HEATR4: variants seen among roughly 807,000 people sequenced by gnomAD.
The protein encoded by HEATR4 is HEAT repeat containing 4.
A neutral mutation model predicts 108.8 loss-of-function variants in HEATR4; 95 were observed. The ratio of observed to expected loss-of-function variants is 0.87; its 90% CI spans 0.74 to 1.04. The LOEUF (loss-of-function observed/expected upper bound fraction) is 1.04, where lower values mean the gene tolerates loss of function less well. HEATR4 is among the 50% of genes least tolerant of loss of function. The probability of loss-of-function intolerance (pLI) is 0.00; values close to 1 mark genes in which losing one functional copy is unlikely to be tolerated. For synonymous variants in HEATR4, 443 were observed against 459.4 expected (o/e 0.96, Z 0.46); for missense variants, 1,152 against 1,253.8 (o/e 0.92, Z 1.23).
At chr14:73,485,381 A>G (rs1280879512) in intron 17 of HEATR4, among the ~76,000 whole-genome samples, 15 of 151,098 alleles carry the variant, frequency 9.9e-5, no homozygotes, top group Non-Finnish European at 2.2e-4. Context: ...CTATGTGTAA[A>G]TATCTTTGTA....
At chr14:73,580,613 C>T in the HEATR4 span, 1 of 149,098 alleles carries the variant, frequency 6.7e-6, no homozygotes, top group Non-Finnish European at 1.5e-5. Flanking sequence ...TGACCTGCTC[C>T]ACTGGCTTGT....
intron 2 of HEATR4, among the ~76,000 whole-genome samples, chr14:73,526,429 G>T (rs1461426895): frequency 1.3e-5 from 2 of 152,158 alleles, no homozygotes; most frequent in African/African-American, 2.4e-5. Context: ...GTGGACTTTG[G>T]GTGTGTGTGA....
the HEATR4 span, among the ~76,000 whole-genome samples, chr14:73,615,388 T>TAAAAA: frequency 5.1e-4 from 32 of 63,308 alleles, 3 homozygotes; most frequent in African/African-American, 2.2e-3. Flanking sequence ...CTCTGTCTGA[T>TAAAAA]AAAAAAAAAA....
chr14:73,562,367 T>C (rs1033669298), upstream of HEATR4, among the ~76,000 whole-genome samples: 1 of 152,124 alleles, frequency 6.6e-6, no homozygotes, highest in Non-Finnish European at 1.5e-5. Flanking sequence ...AGGATGTACA[T>C]AACCTCAGGA....
the HEATR4 span, among the ~76,000 whole-genome samples, chr14:73,622,865 T>C: frequency 6.6e-6 from 1 of 152,148 alleles, no homozygotes; most frequent in Non-Finnish European, 1.5e-5. Flanking sequence ...CTTGCCTGGA[T>C]TGACCACTCA....
chr14:73,623,642 T>C, the HEATR4 span, among the ~76,000 whole-genome samples: 1 of 152,110 alleles, frequency 6.6e-6, no homozygotes, highest in Admixed American at 6.6e-5. Context: ...TGGCACTGCA[T>C]TCCAGCCTAG....
the HEATR4 span, among the ~76,000 whole-genome samples, chr14:73,622,366 C>A: frequency 1.1e-4 from 16 of 152,100 alleles, no homozygotes; most frequent in Admixed American, 9.2e-4. Context: ...TATTTGCTTG[C>A]TTTTCCCTGA....
At chr14:73,569,570 C>T in the HEATR4 span, 1 of 1,600,232 alleles carries the variant, frequency 6.2e-7, no homozygotes. Context: ...TTTTCCAGGC[C>T]CACGCGCGCT....
chr14:73,605,149 A>C, the HEATR4 span, among the ~76,000 whole-genome samples: 1 of 152,302 alleles, frequency 6.6e-6, no homozygotes, highest in South Asian at 2.1e-4. Flanking sequence ...AAGAAAAAAA[A>C]ACATAAGGGC....
chr14:73,506,475 CA>C lies in HEATR4; in HGVS notation c.1977del (p.Asn659LysfsTer6), dbSNP rs1886831901. 6.2e-7 allele frequency: 1 copy of C among 1,613,034 alleles called. No homozygotes were observed. The highest frequency in any genetic ancestry group is 8.5e-7 in the Non-Finnish European group (1 of 1,179,560). On this transcript the variant is annotated frameshift_variant, in exon 10 of 18. Transcript: ENST00000553558. LOFTEE classifies it high-confidence loss of function. ...ACQAFSRISGNVCLDMKHKLI... is the reference protein window; with the variant it reads ...ACQAFSRISGXVCLDMKHKLI... ...CAAAGAAAGAGGTTTACCAAGCAGA[CA>C]TTTCCACTGATCCGGGAGAAAGCCT...
At chr14:73,622,862 G>A in the HEATR4 span, among the ~76,000 whole-genome samples, 1 of 152,082 alleles carries the variant, frequency 6.6e-6, no homozygotes, top group African/African-American at 2.4e-5. Context: ...GCCCTTGCCT[G>A]GATTGACCAC....
chr14:73,526,713 T>C (rs974211870), intron 2 of HEATR4, among the ~76,000 whole-genome samples: 1 of 152,218 alleles, frequency 6.6e-6, no homozygotes, highest in Admixed American at 6.5e-5. Context: ...ACTGCTCTGA[T>C]GGGTCAGATT....
At chr14:73,507,677 A>G (rs1398144795) in intron 9 of HEATR4, among the ~76,000 whole-genome samples, 1 of 151,452 alleles carries the variant, frequency 6.6e-6, no homozygotes, top group Non-Finnish European at 1.5e-5. Flanking sequence ...CTCAAGGGAT[A>G]CTCCCACCTC....
chr14:73,579,244 G>A, the HEATR4 span, among the ~76,000 whole-genome samples: 3 of 91,356 alleles, frequency 3.3e-5, no homozygotes, highest in Admixed American at 1.5e-4. Context: ...CAACAAGAAC[G>A]AAATTCCGTC....
the HEATR4 span, among the ~76,000 whole-genome samples, chr14:73,605,725 C>G: frequency 6.6e-6 from 1 of 151,852 alleles, no homozygotes; most frequent in Admixed American, 6.6e-5. Flanking sequence ...TGCCTGCCAC[C>G]ATGCCCAGCT....
At chr14:73,528,563 G>A (rs1479948349) in intron 2 of HEATR4, among the ~76,000 whole-genome samples, 3 of 152,044 alleles carry the variant, frequency 2.0e-5, no homozygotes, top group Non-Finnish European at 4.4e-5. Context: ...TGTCTGCCTT[G>A]GAGTCACGGG....
intron 2 of HEATR4, among the ~76,000 whole-genome samples, chr14:73,526,918 A>C (rs1041341983): frequency 6.6e-6 from 1 of 152,006 alleles, no homozygotes; most frequent in African/African-American, 2.4e-5. Context: ...CTTCCCCCCA[A>C]CTCCAGACAG....
the HEATR4 span, among the ~76,000 whole-genome samples, chr14:73,601,240 A>G: frequency 2.9e-4 from 44 of 152,176 alleles, no homozygotes; most frequent in Non-Finnish European, 6.2e-4. Context: ...TCCCAAAAAT[A>G]TGGATTTGAC....
chr14:73,479,714 G>C (rs1182659262), intron 17 of HEATR4, among the ~76,000 whole-genome samples: 1 of 151,974 alleles, frequency 6.6e-6, no homozygotes. Context: ...ACAGGCATGA[G>C]CCTCCGCTCC....
Sources: gnomAD v4.1 joint callset for allele counts (sites outside exome capture counted in the v4.1 genomes callset) on GRCh38, gnomAD v4.1.1 for gene constraint, MANE v1.5 for transcripts, NCBI Gene and HGNC (gene_info 2026-07-23, HGNC 2026-07-21) for gene names.